The following XPNPEP3 variants were observed in gnomAD, a reference collection of about 807,000 sequenced individuals.
XPNPEP3 encodes xaa-Pro aminopeptidase 3.
Under a neutral mutation model 60.0 loss-of-function variants are expected in XPNPEP3, and 41 were observed. The observed-to-expected ratio is 0.68, with a 90% confidence interval of 0.53 to 0.89. The LOEUF is 0.89. XPNPEP3 is among the 40% of genes least tolerant of loss of function. The probability of loss-of-function intolerance (pLI) is 0.00; values close to 1 mark genes in which losing one functional copy is unlikely to be tolerated. For synonymous variants in XPNPEP3, 212 were observed against 223.2 expected (o/e 0.95, Z 0.45); for missense variants, 598 against 638.9 (o/e 0.94, Z 0.69).
intron 1 of XPNPEP3, among the ~76,000 whole-genome samples, chr22:40,857,681 C>T (rs914210064): frequency 4.6e-5 from 7 of 152,244 alleles, no homozygotes; most frequent in Admixed American, 4.6e-4. Flanking sequence ...TTTCGAAATA[C>T]TTCTGGGGCG....
chr22:40,861,046 A>T, intron 1 of XPNPEP3: 2 of 1,553,538 alleles, frequency 1.3e-6, no homozygotes, highest in Non-Finnish European at 1.7e-6. Flanking sequence ...TTCAAATGTT[A>T]TATATTTGAA....
rs557043498 is a variant in XPNPEP3, at chr22:40,907,217, C to G, written c.793-370C>G. The G allele has an allele frequency of 9.5e-4, 433 of 457,810 alleles. 2 individuals carry two copies. Among genetic ancestry groups the G allele is most frequent in the African/African-American group, 8.0e-3 (404 of 50,282 alleles). 28.4% of individuals were successfully genotyped at this position (457,810 alleles called of 1,614,324 possible). A position where few individuals can be genotyped will look rare whatever the true frequency, so the allele number is the denominator to read the frequency against. On this transcript the variant is annotated intron_variant, in intron 4 of 9. Transcript: ENST00000357137. ...TAGGCGGATCACGAGGTCAGGAGAT[C>G]GAGACCATCCTGGCTAACACAGTGA... is the stretch of plus-strand genomic sequence containing the variant.
intron 4 of XPNPEP3, among the ~76,000 whole-genome samples, chr22:40,889,433 C>G (rs147740882): frequency 7.1e-4 from 108 of 152,328 alleles, no homozygotes; most frequent in Middle Eastern, 3.4e-3. Context: ...CACAACAGTT[C>G]ACTCTACCCC....
intron 4 of XPNPEP3, among the ~76,000 whole-genome samples, chr22:40,891,890 A>G (rs1020461440): frequency 1.3e-5 from 2 of 152,326 alleles, no homozygotes; most frequent in Admixed American, 6.5e-5. Flanking sequence ...CAGAGGTTCC[A>G]TGAGTCTCCC....
At chr22:40,919,570 G>A (rs560665330) in intron 7 of XPNPEP3, among the ~76,000 whole-genome samples, 1 of 152,226 alleles carries the variant, frequency 6.6e-6, no homozygotes, top group African/African-American at 2.4e-5. Flanking sequence ...TCGCTATGTT[G>A]CCCAGGCTGG....
intron 4 of XPNPEP3, among the ~76,000 whole-genome samples, chr22:40,892,158 C>T (rs537557229): frequency 4.6e-5 from 7 of 152,084 alleles, no homozygotes; most frequent in Non-Finnish European, 1.0e-4. Context: ...CTTCAAGGCA[C>T]ACTCTTGGCA....
chr22:40,909,071 G>C, intron 5 of XPNPEP3, 51 bp from the exon 6 acceptor site: 1 of 1,510,082 alleles, frequency 6.6e-7, no homozygotes, highest in Non-Finnish European at 9.2e-7. Flanking sequence ...AGCTTGGGCT[G>C]GGGCAGCCCT....
Position 40,926,552 on chromosome 22 carries a change from C to T in XPNPEP3, c.*117C>T. ...TTAATATATGCATTCCATTTGGGAG[C>T]ATAGCAGCTGTGTGAATGTATGTAA... On this transcript the variant is annotated 3_prime_UTR_variant, in exon 10 of 10. Transcript: ENST00000357137. 1 of 1,280,694 alleles carries T rather than the reference C, an allele frequency of 7.8e-7. No homozygotes were observed. The highest frequency in any genetic ancestry group is 1.2e-5 in the South Asian group (1 of 83,550). 79.3% of individuals were successfully genotyped at this position (1,280,694 alleles called of 1,614,324 possible).
At chr22:40,889,896 G>A (rs374442690) in intron 4 of XPNPEP3, among the ~76,000 whole-genome samples, 2 of 152,188 alleles carry the variant, frequency 1.3e-5, no homozygotes, top group East Asian at 3.8e-4. Flanking sequence ...GATTTAAACA[G>A]ACAGCTGAAT....
chr22:40,869,251 A>G, intron 2 of XPNPEP3, 136 bp downstream of exon 2: 1 of 715,060 alleles, frequency 1.4e-6, no homozygotes, highest in East Asian at 2.6e-5. Context: ...GCCATTTTAC[A>G]CTAATAAGGT....
At chr22:40,914,183 A>G in intron 6 of XPNPEP3, 56 bp from the exon 7 acceptor site, 2 of 1,471,648 alleles carry the variant, frequency 1.4e-6, no homozygotes, top group Non-Finnish European at 1.9e-6. Flanking sequence ...TTGGATTACT[A>G]GAAACAACTT....
At chr22:40,873,297 G>T (rs1335769315) in intron 2 of XPNPEP3, among the ~76,000 whole-genome samples, 1 of 150,794 alleles carries the variant, frequency 6.6e-6, no homozygotes, top group Non-Finnish European at 1.5e-5. Context: ...TAGAGAGGGG[G>T]TTTCACCATA....
chr22:40,861,269 C>G, intron 1 of XPNPEP3: 1 of 1,614,186 alleles, frequency 6.2e-7, no homozygotes, highest in African/African-American at 1.3e-5. Context: ...TGTTGAATGA[C>G]TGTGTTCTCC....
intron 4 of XPNPEP3, among the ~76,000 whole-genome samples, chr22:40,904,876 T>C (rs1281604100): frequency 6.6e-6 from 1 of 152,024 alleles, no homozygotes; most frequent in East Asian, 1.9e-4. Flanking sequence ...GTGATTCTTC[T>C]ACTTCAGCCT....
chr22:40,930,616 C>G lies in XPNPEP3; in HGVS notation c.*4181C>G, dbSNP rs2058251462. 1 of 151,636 alleles carries G rather than the reference C, an allele frequency of 6.6e-6. No homozygotes were observed. 9.4% of individuals were successfully genotyped at this position (151,636 alleles called of 1,614,324 possible). On this transcript the variant is annotated 3_prime_UTR_variant, in exon 10 of 10. Coordinates refer to ENST00000357137, the MANE Select transcript of XPNPEP3 (RefSeq NM_022098.4). ...ATAGAGTCTCACTCTGTCACCCAGG[C>G]TGGAGTACAGTGGTGTGATCTTGGC...
intron 1 of XPNPEP3, chr22:40,862,785 T>C (rs2057958098): frequency 1.0e-6 from 1 of 983,100 alleles, no homozygotes. Context: ...CACTGTATAA[T>C]TATTGATTGT....
rs986650429 is a variant in XPNPEP3, at chr22:40,910,722, T to C, written c.969+1487T>C. Among the ~76,000 whole-genome samples, 3 of 151,684 alleles carry C rather than the reference T, an allele frequency of 2.0e-5. No homozygotes were observed. The East Asian group carries it at 5.8e-4, about 29-fold the overall frequency. On this transcript the variant is annotated intron_variant, in intron 6 of 9. Transcript: ENST00000357137. The stretch of plus-strand genomic sequence containing the variant: ...CCCTGTCTTTAAAAAAAATAAAATA[T>C]AGGCCAGGCACAGTGGCTCACACCT...
At position 40,882,055 on chromosome 22, in the gene XPNPEP3, G is replaced by A. The variant is rs371331513; in HGVS notation, c.467G>A (p.Arg156Gln). ...AAAGCCATACTTTTTGTGCCTCGGC[G>A]AGATCCCAGTCGAGAACTTTGGGAT... ...SHKAILFVPRRDPSRELWDGP... is the reference protein window; with the variant it reads ...SHKAILFVPRQDPSRELWDGP... The change falls in exon 3 of 10, where the codon CGA becomes CAA. Residue 156 changes from arginine to glutamine, a missense_variant. Physicochemically the swap from Arg to Gln is conservative, Grantham distance 43. Transcript: ENST00000357137. 3.4e-5 allele frequency: 55 copies of A among 1,613,968 alleles called. No homozygotes were observed. The highest frequency in any genetic ancestry group is 4.3e-5 in the Non-Finnish European group (51 of 1,180,004).
At chr22:40,900,318 A>C (rs1278563226) in intron 4 of XPNPEP3, among the ~76,000 whole-genome samples, 1 of 151,940 alleles carries the variant, frequency 6.6e-6, no homozygotes, top group African/African-American at 2.4e-5. Context: ...AAAAAAAAAA[A>C]AAAAGGCCGG....
Sources: allele counts gnomAD v4.1 joint callset (sites outside exome capture counted in the v4.1 genomes callset), GRCh38; gene constraint gnomAD v4.1.1; transcripts MANE v1.5; gene names NCBI Gene and HGNC (gene_info 2026-07-23, HGNC 2026-07-21).